Variants in PARVB observed in about 807,000 individuals in gnomAD.
PARVB encodes the protein parvin beta.
Under a neutral mutation model 47.0 loss-of-function variants are expected in PARVB, and 46 were observed. That is an observed-to-expected ratio of 0.98 (90% CI 0.77 to 1.25). PARVB has a LOEUF of 1.25. PARVB is among the 50% of genes most tolerant of loss of function. The pLI is 0.00. For missense variants in PARVB, 473 were observed against 471.6 expected, an observed-to-expected ratio of 1.00 and a Z score of -0.03; for synonymous variants, 196 against 196.3, an observed-to-expected ratio of 1.00 and a Z score of 0.01.
chr22:44,030,685 C>A (rs970412946), intron 1 of PARVB, among the ~76,000 whole-genome samples: 1 of 152,080 alleles, frequency 6.6e-6, no homozygotes, highest in Non-Finnish European at 1.5e-5. Context: ...GATTTCCACG[C>A]TGTTTTCTAG....
chr22:44,034,856 G>A lies in PARVB; in HGVS notation c.112+10405G>A, dbSNP rs575994174. Among the ~76,000 whole-genome samples the A allele has an allele frequency of 1.3e-4, 19 of 151,468 alleles. No homozygotes were observed. The East Asian group carries it at 3.5e-3, about 28-fold the overall frequency. Reference sequence around the variant, plus strand: ...TTCCCGAGTAGCTGGGATTACAGGCGTGCACCACCACACCCAGCTAATTTT... The same window carrying A: ...TTCCCGAGTAGCTGGGATTACAGGCATGCACCACCACACCCAGCTAATTTT... On this transcript the variant is annotated intron_variant, in intron 1 of 12. Coordinates refer to ENST00000338758, the MANE Select transcript of PARVB (RefSeq NM_013327.5).
chr22:44,038,223 T>C (rs953185020), intron 1 of PARVB, among the ~76,000 whole-genome samples: 8 of 152,244 alleles, frequency 5.3e-5, no homozygotes, highest in African/African-American at 1.9e-4. Flanking sequence ...GCATTCCCAT[T>C]TCACTGGGAG....
At chr22:44,024,111 G>C (rs930303101), upstream of PARVB, among the ~76,000 whole-genome samples, 12 of 152,232 alleles carry the variant, frequency 7.9e-5, no homozygotes, top group Admixed American at 2.6e-4. Context: ...CCGCTCCCGG[G>C]GTGGCCCCAC....
intron 1 of PARVB, among the ~76,000 whole-genome samples, chr22:44,065,528 A>C (rs1287542254): frequency 1.3e-5 from 2 of 152,118 alleles, no homozygotes; most frequent in Non-Finnish European, 2.9e-5. Context: ...TGGTGACATG[A>C]ATAAGCTCTT....
chr22:44,002,636 A>G lies in PARVB; in HGVS notation c.211+2963A>G, dbSNP rs188581476. ...ATGTCTTTCCTGCGTGGCTGTACACAGGAGAACACTGTAAAGAGCAAGGAC... is the reference window on the plus strand; with the variant it reads ...ATGTCTTTCCTGCGTGGCTGTACACGGGAGAACACTGTAAAGAGCAAGGAC... On this transcript the variant is annotated intron_variant, in intron 2 of 13. Coordinates refer to the PARVB transcript ENST00000406477. Among the ~76,000 whole-genome samples, 968 of 152,282 alleles carry G rather than the reference A, an allele frequency of 6.4e-3. 10 individuals carry two copies. The highest frequency in any genetic ancestry group is 0.017 in the Middle Eastern group (5 of 294).
In PARVB at chr22:44,099,940, G is replaced by A; in HGVS notation, c.203-113G>A. 3.5e-6 allele frequency: 3 copies of A among 846,138 alleles called. No individual in the cohort carries two copies. In the Admixed American group the frequency reaches 5.6e-5, roughly 16 times the overall value. The allele number at this position is 846,138 out of a possible 1,614,324, so 52.4% of individuals were successfully genotyped here. On this transcript the variant is annotated intron_variant, in intron 2 of 12. Transcript: ENST00000338758. ...GGTTCCTTGCAGTCACCCTCCCCTA[G>A]TGCTGGGTTCTCTGCTTCTCCATTT...
At chr22:44,026,894 A>T (rs1361065134) in intron 1 of PARVB, among the ~76,000 whole-genome samples, 1 of 152,070 alleles carries the variant, frequency 6.6e-6, no homozygotes, top group Admixed American at 6.6e-5. Context: ...CAGGGGTGTG[A>T]CAAGGCACGG....
rs201940591 is a variant in PARVB, at chr22:43,999,645, G to A, written c.183G>A (p.Val61=). 16 of 1,613,550 alleles carry A rather than the reference G, an allele frequency of 9.9e-6. No individual in the cohort carries two copies. The Admixed American group carries it at 2.7e-4, about 27-fold the overall frequency. ...TCCCTGGCTCAGACAGATCAGGAGT[G>A]GAAACATCTGAATATGCTCAAGGAG... The change falls in exon 2 of 14, where the codon GTG becomes GTA. Residue 61 remains valine, a synonymous_variant. Transcript: ENST00000406477.
At chr22:44,082,890 C>T (rs560151974) in intron 1 of PARVB, among the ~76,000 whole-genome samples, 7 of 152,204 alleles carry the variant, frequency 4.6e-5, no homozygotes, top group South Asian at 2.1e-4. Context: ...AGCAACTTTT[C>T]GTATTCAGAA....
At chr22:44,063,710 G>A (rs1569086000) in intron 1 of PARVB, among the ~76,000 whole-genome samples, 1 of 152,030 alleles carries the variant, frequency 6.6e-6, no homozygotes, top group African/African-American at 2.4e-5. Flanking sequence ...CACTCCTCGT[G>A]GCCTGCTCGG....
intron 1 of PARVB, 97 bp downstream of exon 1, chr22:44,024,548 A>G (rs2050696919): frequency 2.3e-6 from 1 of 430,406 alleles, no homozygotes; most frequent in Non-Finnish European, 3.2e-6. Context: ...GCCCTCCCCC[A>G]CGCACCCCGC....
intron 9 of PARVB, 154 bp from the exon 10 acceptor site, chr22:44,151,329 T>C (rs1405778512): frequency 3.2e-6 from 2 of 617,322 alleles, no homozygotes; most frequent in African/African-American, 3.7e-5. Context: ...ACTGTCAGGA[T>C]ATTGAGTTTG....
At chr22:44,003,780 T>G (rs2050436207) in intron 2 of PARVB, among the ~76,000 whole-genome samples, 1 of 152,208 alleles carries the variant, frequency 6.6e-6, no homozygotes, top group Non-Finnish European at 1.5e-5. Context: ...TTGGGCCAGG[T>G]GCAGGGTGTT....
In PARVB at chr22:44,060,347, A is replaced by C. The variant is rs553700537; in HGVS notation, c.113-33581A>C. On this transcript the variant is annotated intron_variant, in intron 1 of 12. Coordinates refer to ENST00000338758, the MANE Select transcript of PARVB (RefSeq NM_013327.5). ...AGAAAAGAAAAGAATTTCATGGTTGATTGTCACAGGACCATCTTTAGTCCC... is the reference window on the plus strand; with the variant it reads ...AGAAAAGAAAAGAATTTCATGGTTGCTTGTCACAGGACCATCTTTAGTCCC... Among the ~76,000 whole-genome samples, 13 of 152,218 alleles carry C rather than the reference A, an allele frequency of 8.5e-5. No homozygotes were observed. In the South Asian group the frequency reaches 2.5e-3, roughly 29 times the overall value.
At chr22:44,152,542 G>T (rs114473466) in intron 10 of PARVB, 1 of 152,236 alleles carries the variant, frequency 6.6e-6, no homozygotes, top group Non-Finnish European at 1.5e-5. Context: ...TGTCTAGAAC[G>T]TGCTGGCCCC....
At chr22:44,021,553 G>T (rs2050647911), upstream of PARVB, among the ~76,000 whole-genome samples, 1 of 152,026 alleles carries the variant, frequency 6.6e-6, no homozygotes, top group Admixed American at 6.6e-5. Context: ...AAGGAAAAAA[G>T]AACAAATATT....
At position 44,141,949 on chromosome 22, in the gene PARVB, C is replaced by T. The variant is rs186747459; in HGVS notation, c.712+1806C>T. The T allele has an allele frequency of 1.7e-4, 26 of 152,206 alleles. No individual in the cohort carries two copies. The East Asian group carries it at 1.7e-3, about 10-fold the overall frequency. 9.4% of individuals were successfully genotyped at this position (152,206 alleles called of 1,614,324 possible). On this transcript the variant is annotated intron_variant, in intron 8 of 12. Coordinates refer to ENST00000338758, the MANE Select transcript of PARVB (RefSeq NM_013327.5). ...GCAGTGGGGTCACAGCTCATGGGAC[C>T]GGGGTGAGGCGTCTCCCCACCCTGC...
intron 1 of PARVB, among the ~76,000 whole-genome samples, chr22:44,059,108 C>T (rs1042729734): frequency 2.1e-5 from 3 of 141,110 alleles, no homozygotes; most frequent in Admixed American, 7.4e-5. Context: ...TGCAGTGGCA[C>T]GATCTCAGGT....
chr22:44,040,107 A>G, intron 1 of PARVB: 1 of 255,152 alleles, frequency 3.9e-6, no homozygotes, highest in Non-Finnish European at 7.9e-6. Flanking sequence ...TATTCTTTAC[A>G]GTGAGAGTGG....
Sources: gnomAD v4.1 joint callset for allele counts (sites outside exome capture counted in the v4.1 genomes callset) on GRCh38, gnomAD v4.1.1 for gene constraint, MANE v1.5 for transcripts, NCBI Gene and HGNC (gene_info 2026-07-23, HGNC 2026-07-21) for gene names.